Variants in RNF43 observed in about 807,000 individuals in gnomAD.
RNF43 encodes the protein E3 ubiquitin-protein ligase RNF43.
Under a neutral mutation model 78.4 loss-of-function variants are expected in RNF43, and 37 were observed. The observed-to-expected ratio is 0.47, with a 90% CI of 0.36 to 0.62. The LOEUF (loss-of-function observed/expected upper bound fraction) is 0.62, where lower values mean the gene tolerates loss of function less well. Among genes scored for constraint, RNF43 ranks in the 20% least tolerant of loss-of-function variants. The pLI is 0.00. For missense variants in RNF43, 774 were observed against 1,007.9 expected (o/e 0.77, Z 3.14); for synonymous variants, 347 against 395.0 (o/e 0.88, Z 1.44).
rs1388850627 is a variant in RNF43 at position 58,363,612 on chromosome 17, C to CA, written c.376-13dup. ...CCCGCCATCCGAGCCTGCAGAGGCA[C>CA]ACAGTAGAGGTTGGGCTGAGGTCAG... On this transcript the variant is annotated splice_polypyrimidine_tract_variant and intron_variant, in intron 3 of 9. Transcript: ENST00000407977. The CA allele has an allele frequency of 8.1e-6, 13 of 1,608,192 alleles. No individual in the cohort carries two copies. Among genetic ancestry groups the CA allele is most frequent in the Non-Finnish European group, 1.1e-5 (13 of 1,176,288 alleles).
chr17:58,410,998 C>G (rs193145066), intron 2 of RNF43, among the ~76,000 whole-genome samples: 1 of 152,104 alleles, frequency 6.6e-6, no homozygotes, highest in African/African-American at 2.4e-5. Flanking sequence ...CAAGTTCCAG[C>G]AACACCACTT....
chr17:58,354,430 C>T lies in RNF43; in HGVS notation c.*513G>A, dbSNP rs1248602996. On this transcript the variant is annotated 3_prime_UTR_variant, in exon 10 of 10. Transcript: ENST00000407977. Reference sequence around the variant, plus strand: ...TGGCAAAAAAGGAAAATGATAGAGCCAGGGTTGCCCCTGATGTAGCAGCCT... The same window carrying T: ...TGGCAAAAAAGGAAAATGATAGAGCTAGGGTTGCCCCTGATGTAGCAGCCT... 8.3e-6 allele frequency: 2 copies of T among 240,760 alleles called. No individual in the cohort carries two copies. The highest frequency in any genetic ancestry group is 1.7e-5 in the Non-Finnish European group (2 of 120,670). 14.9% of individuals were successfully genotyped at this position (240,760 alleles called of 1,614,324 possible).
chr17:58,382,616 T>C (rs1973344222), intron 2 of RNF43, among the ~76,000 whole-genome samples: 1 of 152,226 alleles, frequency 6.6e-6, no homozygotes, highest in African/African-American at 2.4e-5. Context: ...CCCATCCCGT[T>C]ATGCTTTTAT....
At chr17:58,415,134 T>G (rs187472790) in intron 2 of RNF43, among the ~76,000 whole-genome samples, 192 bp downstream of exon 2, 1 of 152,218 alleles carries the variant, frequency 6.6e-6, no homozygotes, top group Non-Finnish European at 1.5e-5. Flanking sequence ...AAATATAGGA[T>G]TTATGTATTT....
intron 6 of RNF43, 146 bp from the exon 7 acceptor site, chr17:58,361,090 A>C: frequency 1.2e-6 from 1 of 801,858 alleles, no homozygotes; most frequent in Non-Finnish European, 1.8e-6. Flanking sequence ...CGGAGCTCAT[A>C]TGTGGCTCTG....
intron 2 of RNF43, chr17:58,402,597 C>T (rs964522684): frequency 3.0e-4 from 46 of 152,280 alleles, no homozygotes; most frequent in African/African-American, 1.0e-3. Flanking sequence ...ATAAATGCCC[C>T]AAAGTGTAAG....
At chr17:58,367,078 G>C (rs546253841) in intron 3 of RNF43, among the ~76,000 whole-genome samples, 6 of 147,162 alleles carry the variant, frequency 4.1e-5, no homozygotes, top group African/African-American at 1.5e-4. Context: ...TCGGCTCACT[G>C]CAACTGCCGC....
intron 6 of RNF43, among the ~76,000 whole-genome samples, chr17:58,361,494 G>C (rs1049985872): frequency 6.6e-6 from 1 of 152,116 alleles, no homozygotes; most frequent in Non-Finnish European, 1.5e-5. Context: ...TACCATTACT[G>C]TCACCTGGAT....
chr17:58,379,243 T>C (rs1973265856), intron 2 of RNF43, among the ~76,000 whole-genome samples: 1 of 152,092 alleles, frequency 6.6e-6, no homozygotes, highest in South Asian at 2.1e-4. Flanking sequence ...TTTCTAGAAT[T>C]TTCAAACTTG....
At chr17:58,368,722 A>G (rs868476579) in intron 3 of RNF43, among the ~76,000 whole-genome samples, 1 of 152,060 alleles carries the variant, frequency 6.6e-6, no homozygotes, top group Non-Finnish European at 1.5e-5. Context: ...CAAAAAAAAA[A>G]AAAAAGAAAA....
At chr17:58,376,202 A>T (rs1189994683) in intron 2 of RNF43, among the ~76,000 whole-genome samples, 1 of 152,156 alleles carries the variant, frequency 6.6e-6, no homozygotes, top group Non-Finnish European at 1.5e-5. Context: ...CTGTGTTTGG[A>T]CAAGAAACAT....
Position 58,357,628 on chromosome 17 carries a change from G to A in RNF43, c.2148C>T (p.Gly716=), listed in dbSNP as rs776489595. ...CTGGCTGTGAATTTGAGTAACAGGG[G>A]CCTGGGGTTTCTGGTAGCAGCCTCT... ...LDKRLLPETP[G]PCYSNSQPVW... Residue 716 remains glycine (G), a synonymous_variant, in exon 9 of 10, where the codon GGC becomes GGT. Coordinates refer to ENST00000407977, the MANE Select transcript of RNF43 (RefSeq NM_017763.6). This position sits in a 1 kb window ranked among gnomAD's most constrained non-coding sequence, Gnocchi z 4.5. The A allele has an allele frequency of 1.2e-6, 2 of 1,614,070 alleles. No homozygotes were observed. Among genetic ancestry groups the A allele is most frequent in the East Asian group, 4.5e-5 (2 of 44,882 alleles).
At chr17:58,404,656 C>A (rs1973869510) in intron 2 of RNF43, among the ~76,000 whole-genome samples, 1 of 152,066 alleles carries the variant, frequency 6.6e-6, no homozygotes, top group Non-Finnish European at 1.5e-5. Context: ...ACATTTATGA[C>A]TAAAGTCAAT....
intron 3 of RNF43, among the ~76,000 whole-genome samples, chr17:58,365,938 A>G (rs1386299383): frequency 6.6e-6 from 1 of 152,170 alleles, no homozygotes; most frequent in African/African-American, 2.4e-5. Flanking sequence ...GTGAGTTGCA[A>G]TTCTGCCTCT....
chr17:58,386,682 T>C (rs1973444707), intron 2 of RNF43, among the ~76,000 whole-genome samples: 1 of 152,264 alleles, frequency 6.6e-6, no homozygotes, highest in Non-Finnish European at 1.5e-5. Context: ...CTGTGACTTA[T>C]TAAAATCCTA....
In RNF43 at chr17:58,415,952, G is replaced by C. The variant is rs1467103226; in HGVS notation, c.-375C>G. 3 of 320,294 alleles carry C rather than the reference G, an allele frequency of 9.4e-6. No individual in the cohort carries two copies. Among genetic ancestry groups the C allele is most frequent in the Non-Finnish European group, 1.8e-5 (3 of 169,450 alleles). The allele number at this position is 320,294 out of a possible 1,614,324, so 19.8% of individuals were successfully genotyped here. ...GGCATTGCTCTTCCATATGCATCAA[G>C]TTGCCAGGCACTAAACCCAATGTTC... On this transcript the variant is annotated 5_prime_UTR_variant, in exon 2 of 10. Transcript: ENST00000407977.
chr17:58,391,136 C>A (rs907343842), intron 2 of RNF43, among the ~76,000 whole-genome samples: 1 of 152,068 alleles, frequency 6.6e-6, no homozygotes, highest in African/African-American at 2.4e-5. Context: ...TGAAGCCAAC[C>A]GGAGATATGG....
At chr17:58,390,234 G>T (rs1567889614) in intron 2 of RNF43, among the ~76,000 whole-genome samples, 1 of 152,068 alleles carries the variant, frequency 6.6e-6, no homozygotes, top group Non-Finnish European at 1.5e-5. Context: ...ACAAAACAAA[G>T]AAAACAGAAG....
rs148553658 is a variant in RNF43 at position 58,398,539 on chromosome 17, T to A, written c.252+16787A>T. ...ACAGAATAGGAAGTAAAAATTCAAG[T>A]GACCAGATATTAAATTAACCTTGCC... On this transcript the variant is annotated intron_variant, in intron 2 of 9. Coordinates refer to ENST00000407977, the MANE Select transcript of RNF43 (RefSeq NM_017763.6). 5.9e-3 allele frequency among the ~76,000 whole-genome samples: 892 copies of A among 152,296 alleles called. 5 individuals carry two copies. The highest frequency in any genetic ancestry group is 9.5e-3 in the African/African-American group (396 of 41,558).
Sources: gnomAD v4.1 joint callset for allele counts (sites outside exome capture counted in the v4.1 genomes callset) on GRCh38, gnomAD v4.1.1 for gene constraint, Gnocchi (gnomAD v3.1) non-coding constraint, MANE v1.5 for transcripts, NCBI Gene and HGNC (gene_info 2026-07-23, HGNC 2026-07-21) for gene names.